MISFA: variants seen among roughly 807,000 people sequenced by gnomAD.
MISFA encodes mitochondrial sheath formation associated.
chr11:18,603,751 A>G, the MISFA span: 15 of 398,808 alleles, frequency 3.8e-5, 1 homozygote, highest in South Asian at 3.8e-4. Flanking sequence ...CATGACACAC[A>G]CTTTCTTTTT....
At chr11:18,605,142 CTGAGG>C in the MISFA span, among the ~76,000 whole-genome samples, 1 of 151,854 alleles carries the variant, frequency 6.6e-6, no homozygotes, top group African/African-American at 2.4e-5. Flanking sequence ...ACTTGGGAGG[CTGAGG>C]CAGAATTGCT....
At chr11:18,609,741 A>C in the MISFA span, 3 of 794,112 alleles carry the variant, frequency 3.8e-6, no homozygotes, top group Admixed American at 2.6e-5. Context: ...GACAGTATGC[A>C]TTCCTTCTCC....
At chr11:18,600,239 T>C in the MISFA span, among the ~76,000 whole-genome samples, 1 of 152,054 alleles carries the variant, frequency 6.6e-6, no homozygotes. Flanking sequence ...GTTTTGCTCT[T>C]GTTGCCCAGG....
At chr11:18,604,721 T>G in the MISFA span, among the ~76,000 whole-genome samples, 1 of 152,172 alleles carries the variant, frequency 6.6e-6, no homozygotes, top group East Asian at 1.9e-4. Flanking sequence ...ATAATTATCC[T>G]AATCCTTAAA....
chr11:18,605,245 GA>G, the MISFA span, among the ~76,000 whole-genome samples: 54,293 of 143,746 alleles, frequency 0.38, 11,152 homozygotes, highest in Middle Eastern at 0.52. Flanking sequence ...GTCTCAAAAA[GA>G]AAAAAAAAAA....
At chr11:18,602,939 G>GC in the MISFA span, 28,933 of 390,860 alleles carry the variant, frequency 0.074, 1,319 homozygotes, top group South Asian at 0.14. Flanking sequence ...TCTGAGCTCT[G>GC]CCCCCCTAAA....
chr11:18,605,288 A>AGG, the MISFA span, among the ~76,000 whole-genome samples: 1 of 152,094 alleles, frequency 6.6e-6, no homozygotes, highest in Non-Finnish European at 1.5e-5. Context: ...TTGCCTGATA[A>AGG]TTCTTTTTCA....
At chr11:18,604,451 T>C in the MISFA span, among the ~76,000 whole-genome samples, 1 of 151,116 alleles carries the variant, frequency 6.6e-6, no homozygotes, top group Non-Finnish European at 1.5e-5. Context: ...GGGTCAGGAG[T>C]TCAAGACCAG....
At chr11:18,602,996 TAGTGAGGAGCTG>T in the MISFA span, 1 of 395,996 alleles carries the variant, frequency 2.5e-6, no homozygotes, top group Non-Finnish European at 4.5e-6. Flanking sequence ...CGAAGCTCCT[TAGTGAGGAGCTG>T]CCATGCTGGG....
chr11:18,605,889 G>T, the MISFA span, among the ~76,000 whole-genome samples: 1 of 152,092 alleles, frequency 6.6e-6, no homozygotes, highest in Non-Finnish European at 1.5e-5. Flanking sequence ...TGTTGGCCAG[G>T]CTGGTCTCGA....
the MISFA span, chr11:18,601,431 A>G: frequency 2.5e-6 from 1 of 396,808 alleles, no homozygotes; most frequent in Non-Finnish European, 4.4e-6. Flanking sequence ...AATATATTAT[A>G]CTATTAATAG....
chr11:18,609,098 T>C, the MISFA span: 1 of 152,246 alleles, frequency 6.6e-6, no homozygotes, highest in Non-Finnish European at 1.5e-5. Context: ...TGAATTTTTT[T>C]AGATAAAAAT....
chr11:18,608,249 C>A, the MISFA span: 6 of 152,698 alleles, frequency 3.9e-5, no homozygotes, highest in East Asian at 1.2e-3. Flanking sequence ...AAATTAAATC[C>A]TTGCACTTTC....
the MISFA span, chr11:18,606,554 G>A: frequency 8.0e-6 from 2 of 248,774 alleles, no homozygotes; most frequent in Non-Finnish European, 1.6e-5. Context: ...TTTGTCCATT[G>A]TGTAAAAGAC....
the MISFA span, chr11:18,607,094 C>T: frequency 1.0e-5 from 2 of 195,958 alleles, no homozygotes; most frequent in Admixed American, 1.3e-4. Context: ...AACTCCTGGT[C>T]TCAAGTGATC....
chr11:18,602,027 T>G, the MISFA span: 1 of 152,232 alleles, frequency 6.6e-6, no homozygotes, highest in Non-Finnish European at 1.5e-5. Flanking sequence ...CCTCAACTAT[T>G]TACCTGAGGC....
At chr11:18,606,989 T>G in the MISFA span, 1 of 289,680 alleles carries the variant, frequency 3.5e-6, no homozygotes, top group Non-Finnish European at 6.5e-6. Flanking sequence ...GCCTCCCCGG[T>G]AGCTGGGATT....
At chr11:18,603,701 C>A in the MISFA span, 1 of 398,654 alleles carries the variant, frequency 2.5e-6, no homozygotes, top group Non-Finnish European at 4.4e-6. Context: ...GCCTGGGAGG[C>A]CAAATGCCTA....
chr11:18,605,337 A>G, the MISFA span, among the ~76,000 whole-genome samples: 2 of 152,198 alleles, frequency 1.3e-5, no homozygotes, highest in South Asian at 4.1e-4. Context: ...GAGACCTAAC[A>G]GGAGTAAATA....
Sources: gnomAD v4.1 joint callset for allele counts (sites outside exome capture counted in the v4.1 genomes callset) on GRCh38, gnomAD v4.1.1 for gene constraint, MANE v1.5 for transcripts, NCBI Gene and HGNC (gene_info 2026-07-23, HGNC 2026-07-21) for gene names.